TSG101: variants seen among roughly 807,000 people sequenced by gnomAD.
TSG101 encodes the protein tumor susceptibility gene 101 protein.
In TSG101, 19 loss-of-function variants were observed where a neutral mutation model predicts 48.5. The ratio of observed to expected loss-of-function variants is 0.39; its 90% CI spans 0.27 to 0.58. TSG101 has a LOEUF of 0.58. TSG101 is among the 20% of genes least tolerant of loss of function. The pLI, the probability that TSG101 is intolerant of heterozygous loss-of-function variation, is 0.55. For synonymous variants in TSG101, 174 were observed against 169.4 expected (o/e 1.03, Z -0.21); for missense variants, 365 against 484.4 (o/e 0.75, Z 2.31).
chr11:18,504,743 A>G (rs954475596), intron 6 of TSG101, among the ~76,000 whole-genome samples: 14 of 152,190 alleles, frequency 9.2e-5, no homozygotes, highest in African/African-American at 3.4e-4. Context: ...TTTATTGTTC[A>G]GAAGTCCATT....
chr11:18,497,395 A>G (rs960376943), intron 7 of TSG101, among the ~76,000 whole-genome samples: 1 of 152,192 alleles, frequency 6.6e-6, no homozygotes, highest in Non-Finnish European at 1.5e-5. Flanking sequence ...ATTTGCCTCT[A>G]GCCTATATGC....
chr11:18,483,972 A>T lies in TSG101; in HGVS notation c.741T>A (p.Asp247Glu). Residue 247 changes from aspartate to glutamate, a missense_variant, in exon 8 of 10, where the codon GAT (aspartate) becomes GAA (glutamate). Asp to Glu is a conservative substitution (Grantham distance 45). Coordinates refer to ENST00000251968, the MANE Select transcript of TSG101 (RefSeq NM_006292.4). ...AGGCATTGAGCTCTGCCTGGGCACGATCCATTTCCTCCTTCATCCGCCATC... is the reference window on the plus strand; with the variant it reads ...AGGCATTGAGCTCTGCCTGGGCACGTTCCATTTCCTCCTTCATCCGCCATC... Reference protein sequence around the residue: ...KLRWRMKEEMDRAQAELNALK... With the variant: ...KLRWRMKEEMERAQAELNALK... 6.2e-7 allele frequency: 1 copy of T among 1,614,134 alleles called. No individual in the cohort carries two copies. Among genetic ancestry groups the T allele is most frequent in the Non-Finnish European group, 8.5e-7 (1 of 1,180,024 alleles).
rs541715027 is a variant in TSG101, at chr11:18,513,578, C to T, written c.357+1100G>A. 1.4e-4 allele frequency among the ~76,000 whole-genome samples: 22 copies of T among 152,216 alleles called. 1 individual carries two copies. The highest frequency in any genetic ancestry group is 1.4e-3 in the Admixed American group (22 of 15,284). ...GCTTTCCAAAGTCCTGGGATCACAG[C>T]CATGAGCCACCATCCCCAGAGCTAC... is the stretch of plus-strand genomic sequence containing the variant. On this transcript the variant is annotated intron_variant, in intron 4 of 9. Coordinates refer to ENST00000251968, the MANE Select transcript of TSG101 (RefSeq NM_006292.4).
chr11:18,496,767 C>T (rs1043225854), intron 7 of TSG101, among the ~76,000 whole-genome samples: 3 of 151,980 alleles, frequency 2.0e-5, no homozygotes, highest in Non-Finnish European at 2.9e-5. Flanking sequence ...GCACTCCAGC[C>T]TGAGCAAGAG....
chr11:18,493,051 C>A (rs1590273766), intron 7 of TSG101, among the ~76,000 whole-genome samples: 1 of 152,096 alleles, frequency 6.6e-6, no homozygotes, highest in East Asian at 1.9e-4. Context: ...GAGTTTTTGG[C>A]AAACTGCCAT....
intron 1 of TSG101, among the ~76,000 whole-genome samples, chr11:18,520,394 A>G (rs984048554): frequency 6.6e-6 from 1 of 151,686 alleles, no homozygotes; most frequent in African/African-American, 2.4e-5. Context: ...CAGCTAATTT[A>G]TTTTTATTTT....
chr11:18,499,402 ATTTTTTTTT>A (rs1160424288), intron 7 of TSG101, among the ~76,000 whole-genome samples: 199 of 5,474 alleles, frequency 0.036, 12 homozygotes, highest in African/African-American at 0.094. Context: ...ATATATATAT[ATTTTTTTTT>A]TTTTTTTTTT....
chr11:18,509,708 T>A, intron 4 of TSG101, 43 bp from the exon 5 acceptor site: 1 of 1,529,790 alleles, frequency 6.5e-7, no homozygotes, highest in Non-Finnish European at 8.8e-7. Flanking sequence ...AGAGTTGCTT[T>A]TCAGTAAAAA....
chr11:18,522,983 G>A (rs1850303561), intron 1 of TSG101, among the ~76,000 whole-genome samples: 1 of 151,936 alleles, frequency 6.6e-6, no homozygotes, highest in Admixed American at 6.5e-5. Flanking sequence ...TCAAACTCCT[G>A]GGCTCAAGTG....
At chr11:18,516,785 T>C (rs1270057486) in intron 2 of TSG101, among the ~76,000 whole-genome samples, 1 of 151,370 alleles carries the variant, frequency 6.6e-6, no homozygotes, top group Non-Finnish European at 1.5e-5. Context: ...CTACTAAAAA[T>C]ACAAAATTAG....
rs1173721979 is a variant in TSG101 at position 18,480,507 on chromosome 11, CTTTAA to C, written c.*34_*38del. ...TACTGATAAAAGGAAGAGAAGAATACTTTAAGAAGAGCTCAACCTCCAGCTGGTAT... is the reference window on the plus strand; with the variant it reads ...TACTGATAAAAGGAAGAGAAGAATACGAAGAGCTCAACCTCCAGCTGGTAT... On this transcript the variant is annotated 3_prime_UTR_variant, in exon 10 of 10. Transcript: ENST00000251968. The C allele has an allele frequency of 6.5e-7, 1 of 1,545,446 alleles. No homozygotes were observed. The highest frequency in any genetic ancestry group is 2.3e-5 in the East Asian group (1 of 44,186).
At chr11:18,495,264 T>C (rs1849756699) in intron 7 of TSG101, among the ~76,000 whole-genome samples, 2 of 152,246 alleles carry the variant, frequency 1.3e-5, no homozygotes, top group South Asian at 2.1e-4. Context: ...AATAAACACC[T>C]ACTCTTCAAT....
Position 18,480,509 on chromosome 11 carries a change from T to C in TSG101, c.*37A>G. 6.4e-7 allele frequency: 1 copy of C among 1,555,886 alleles called. No homozygotes were observed. Among genetic ancestry groups the C allele is most frequent in the Admixed American group, 1.7e-5 (1 of 58,370 alleles). On this transcript the variant is annotated 3_prime_UTR_variant, in exon 10 of 10. Transcript: ENST00000251968. ...CTGATAAAAGGAAGAGAAGAATACT[T>C]TAAGAAGAGCTCAACCTCCAGCTGG...
At chr11:18,486,861 A>G (rs1849627380) in intron 7 of TSG101, among the ~76,000 whole-genome samples, 1 of 152,134 alleles carries the variant, frequency 6.6e-6, no homozygotes, top group South Asian at 2.1e-4. Context: ...AAGACTTGGA[A>G]CCAACCCAAA....
Position 18,526,887 on chromosome 11 carries a change from C to T in TSG101, c.-71G>A, listed in dbSNP as rs1850387622. On this transcript the variant is annotated 5_prime_UTR_variant, in exon 1 of 10. Transcript: ENST00000251968. ...GCTGCTGGGCTGCCCCAGACCGTCCCACACAATCGCACACCCCCAACCCGG... is the reference window on the plus strand; with the variant it reads ...GCTGCTGGGCTGCCCCAGACCGTCCTACACAATCGCACACCCCCAACCCGG... The T allele has an allele frequency of 6.6e-6, 10 of 1,509,064 alleles. No individual in the cohort carries two copies. Among genetic ancestry groups the T allele is most frequent in the Non-Finnish European group, 8.1e-6 (9 of 1,116,232 alleles). 93.5% of individuals were successfully genotyped at this position (1,509,064 alleles called of 1,614,324 possible).
intron 7 of TSG101, among the ~76,000 whole-genome samples, chr11:18,490,059 T>A (rs1849676593): frequency 1.4e-5 from 2 of 147,472 alleles, no homozygotes; most frequent in African/African-American, 4.9e-5. Flanking sequence ...GTGGCATTTA[T>A]GTGACCAATC....
intron 1 of TSG101, among the ~76,000 whole-genome samples, chr11:18,524,906 T>C (rs1850341321): frequency 6.7e-6 from 1 of 150,004 alleles, no homozygotes; most frequent in Admixed American, 6.6e-5. Context: ...CATTAAGGAA[T>C]AAATCTTTTT....
chr11:18,523,420 A>C (rs1479012531), intron 1 of TSG101, among the ~76,000 whole-genome samples: 1 of 152,220 alleles, frequency 6.6e-6, no homozygotes, highest in Non-Finnish European at 1.5e-5. Context: ...CCAGAAGCAC[A>C]GTTTCTTTGT....
intron 1 of TSG101, among the ~76,000 whole-genome samples, chr11:18,526,232 A>T (rs1388118760): frequency 1.3e-5 from 2 of 152,124 alleles, no homozygotes; most frequent in African/African-American, 4.8e-5. Flanking sequence ...AAAAGTAGTT[A>T]CTCTTAGAAA....
Sources: allele counts gnomAD v4.1 joint callset (sites outside exome capture counted in the v4.1 genomes callset), GRCh38; gene constraint gnomAD v4.1.1; transcripts MANE v1.5; gene names NCBI Gene and HGNC (gene_info 2026-07-23, HGNC 2026-07-21).